SUMF1: variants seen among roughly 807,000 people sequenced by gnomAD.
The protein encoded by SUMF1 is sulfatase modifying factor 1, also known as formylglycine-generating enzyme.
A neutral mutation model predicts 47.6 loss-of-function variants in SUMF1; 48 were observed. The observed-to-expected ratio is 1.01, with a 90% CI of 0.80 to 1.28. The LOEUF (loss-of-function observed/expected upper bound fraction) is 1.28, where lower values mean the gene tolerates loss of function less well. Ranked by LOEUF, SUMF1 falls within the 50% of genes most tolerant of loss-of-function variation. The probability of loss-of-function intolerance (pLI) is 0.00; values close to 1 mark genes in which losing one functional copy is unlikely to be tolerated. For missense variants in SUMF1, 571 were observed against 485.4 expected, an observed-to-expected ratio of 1.18 and a Z score of -1.66; for synonymous variants, 230 against 192.1, an observed-to-expected ratio of 1.20 and a Z score of -1.63.
downstream of SUMF1, among the ~76,000 whole-genome samples, chr3:4,356,377 T>C (rs1575124725): frequency 6.6e-6 from 1 of 152,202 alleles, no homozygotes; most frequent in Admixed American, 6.5e-5. Flanking sequence ...CCAGTGGCTC[T>C]GCTGAGATCA....
intron 7 of SUMF1, among the ~76,000 whole-genome samples, chr3:4,390,935 A>G (rs1700842316): frequency 1.3e-5 from 2 of 152,194 alleles, no homozygotes; most frequent in African/African-American, 4.8e-5. Context: ...TAGTAAGAGG[A>G]ATAGAAAAAT....
At chr3:4,374,983 C>T (rs145068343) in intron 8 of SUMF1, among the ~76,000 whole-genome samples, 263 of 151,804 alleles carry the variant, frequency 1.7e-3, no homozygotes, top group African/African-American at 5.8e-3. Flanking sequence ...GGCAACATGG[C>T]AAGACCCCAT....
At chr3:4,210,618 T>A (rs1249754354) in intron 8 of SUMF1, among the ~76,000 whole-genome samples, 2 of 152,140 alleles carry the variant, frequency 1.3e-5, no homozygotes, top group Non-Finnish European at 2.9e-5. Flanking sequence ...ACAAAAATTT[T>A]TTTTTAACTT....
At chr3:4,214,328 G>T (rs1356471245) in intron 8 of SUMF1, among the ~76,000 whole-genome samples, 1 of 152,088 alleles carries the variant, frequency 6.6e-6, no homozygotes, top group African/African-American at 2.4e-5. Context: ...ATAACAAAAT[G>T]AAGGCACAAA....
intron 8 of SUMF1, among the ~76,000 whole-genome samples, chr3:4,174,906 C>T (rs1282642764): frequency 1.3e-5 from 2 of 152,226 alleles, no homozygotes; most frequent in Non-Finnish European, 2.9e-5. Context: ...CGGCAGCTCC[C>T]ACACCCACGA....
intron 3 of SUMF1, among the ~76,000 whole-genome samples, chr3:4,422,997 T>C (rs1051794066): frequency 2.0e-5 from 3 of 152,052 alleles, no homozygotes; most frequent in African/African-American, 7.2e-5. Context: ...TGCATCCTCA[T>C]AGCTTAGCTC....
Position 4,053,520 on chromosome 3 carries a change from C to T in SUMF1, c.1191+15049G>A, listed in dbSNP as rs115504950. 7.2e-3 allele frequency among the ~76,000 whole-genome samples: 1,102 copies of T among 152,160 alleles called. 13 individuals carry two copies. The highest frequency in any genetic ancestry group is 0.025 in the African/African-American group (1,021 of 41,526). On this transcript the variant is annotated intron_variant and NMD_transcript_variant, in intron 9 of 12. Transcript: ENST00000448413. ...GTAAAAAATGCAAATCTGTGAAAAA[C>T]AATAAAGCACAATTTTTAAAAATAA... is the stretch of plus-strand genomic sequence containing the variant.
chr3:4,310,499 CA>C (rs1698361238), intron 8 of SUMF1, among the ~76,000 whole-genome samples: 1 of 152,102 alleles, frequency 6.6e-6, no homozygotes, highest in Admixed American at 6.5e-5. Flanking sequence ...TTATATCCAT[CA>C]CGGGGAAAAA....
chr3:4,050,378 T>G (rs1695085106), intron 9 of SUMF1, among the ~76,000 whole-genome samples: 1 of 151,864 alleles, frequency 6.6e-6, no homozygotes, highest in Admixed American at 6.6e-5. Context: ...TTTTGAGCAG[T>G]TGCTTTCTGG....
At chr3:4,101,980 T>G (rs1026463250) in intron 8 of SUMF1, among the ~76,000 whole-genome samples, 9 of 151,990 alleles carry the variant, frequency 5.9e-5, no homozygotes, top group African/African-American at 2.2e-4. Flanking sequence ...AATGAATGAG[T>G]GCTGAGCAAA....
chr3:4,420,831 A>T (rs1701875335), intron 3 of SUMF1, among the ~76,000 whole-genome samples: 1 of 152,220 alleles, frequency 6.6e-6, no homozygotes, highest in Non-Finnish European at 1.5e-5. Flanking sequence ...GCTAAAGGTC[A>T]ACCATGGTGG....
At chr3:4,035,291 T>C (rs1694772923) in intron 9 of SUMF1, among the ~76,000 whole-genome samples, 1 of 152,188 alleles carries the variant, frequency 6.6e-6, no homozygotes, top group African/African-American at 2.4e-5. Context: ...TTGGTAGGGC[T>C]AGATTCCACC....
chr3:4,194,559 A>C (rs1172010300), intron 8 of SUMF1, among the ~76,000 whole-genome samples: 1 of 152,180 alleles, frequency 6.6e-6, no homozygotes, highest in Non-Finnish European at 1.5e-5. Context: ...TCTTTAGTCT[A>C]AACAGTCCAG....
At chr3:4,222,311 C>T (rs1696084128) in intron 8 of SUMF1, among the ~76,000 whole-genome samples, 1 of 152,020 alleles carries the variant, frequency 6.6e-6, no homozygotes, top group African/African-American at 2.4e-5. Flanking sequence ...ACTGTGATCA[C>T]CTGATCTTCC....
In SUMF1 at chr3:4,326,522, G is replaced by GTTTTTTTTTTTTTTTTT. The variant is rs35648890; in HGVS notation, c.1014+49807_1014+49808insAAAAAAAAAAAAAAAAA. Among the ~76,000 whole-genome samples the GTTTTTTTTTTTTTTTTT allele has an allele frequency of 5.5e-3, 702 of 128,460 alleles. 30 individuals carry two copies. Among genetic ancestry groups the GTTTTTTTTTTTTTTTTT allele is most frequent in the Middle Eastern group, 8.4e-3 (2 of 238 alleles). The allele number at this position is 128,460 out of a possible 152,430, so 84.3% of individuals were successfully genotyped here. On this transcript the variant is annotated intron_variant and NMD_transcript_variant, in intron 8 of 12. Transcript: ENST00000448413. ...ATGTACAAGGCCAGTTTTTCCAAGG[G>GTTTTTTTTTTTTTTTTT]TTTTTTTTTTTTTGAGATAGATCCT...
intron 8 of SUMF1, among the ~76,000 whole-genome samples, chr3:4,149,766 C>A (rs1420589506): frequency 6.6e-6 from 1 of 152,124 alleles, no homozygotes; most frequent in Admixed American, 6.5e-5. Context: ...CATGGGCTTG[C>A]TCCCTGGCCT....
chr3:4,403,717 C>T (rs1045695665), intron 7 of SUMF1, among the ~76,000 whole-genome samples: 2 of 152,186 alleles, frequency 1.3e-5, no homozygotes, highest in Admixed American at 6.5e-5. Flanking sequence ...GAACATCTGA[C>T]AATGCAGTAA....
chr3:4,177,572 C>A (rs1339296939), intron 8 of SUMF1, among the ~76,000 whole-genome samples: 2 of 152,048 alleles, frequency 1.3e-5, no homozygotes, highest in East Asian at 1.9e-4. Context: ...CACTAAATGC[C>A]CACAAGAGAA....
chr3:4,233,684 C>T (rs112127226), intron 8 of SUMF1, among the ~76,000 whole-genome samples: 129 of 152,228 alleles, frequency 8.5e-4, no homozygotes, highest in Non-Finnish European at 1.5e-3. Context: ...TGTTTGGGCA[C>T]AGATGAGCAG....
Sources: gnomAD v4.1 joint callset for allele counts (sites outside exome capture counted in the v4.1 genomes callset) on GRCh38, gnomAD v4.1.1 for gene constraint, MANE v1.5 for transcripts, NCBI Gene and HGNC (gene_info 2026-07-23, HGNC 2026-07-21) for gene names.